NTN1: variants seen among roughly 807,000 people sequenced by gnomAD.
NTN1 encodes netrin 1.
A neutral mutation model predicts 54.2 loss-of-function variants in NTN1; 11 were observed. The observed-to-expected ratio is 0.20, with a 90% CI of 0.13 to 0.34. The LOEUF (loss-of-function observed/expected upper bound fraction) is 0.34, where lower values mean the gene tolerates loss of function less well. NTN1 is among the 10% of genes least tolerant of loss of function. The probability of loss-of-function intolerance (pLI) is 1.00; values close to 1 mark genes in which losing one functional copy is unlikely to be tolerated. For synonymous variants in NTN1, 371 were observed against 382.0 expected, an observed-to-expected ratio of 0.97 and a Z score of 0.33; for missense variants, 740 against 893.1, an observed-to-expected ratio of 0.83 and a Z score of 2.18.
At position 9,209,496 on chromosome 17, in the gene NTN1, C is replaced by A. The variant is rs79083453; in HGVS notation, c.1412-11672C>A. Among the ~76,000 whole-genome samples the A allele has an allele frequency of 2.2e-3, 338 of 152,370 alleles. 3 individuals are homozygous for A. Among genetic ancestry groups the A allele is most frequent in the African/African-American group, 7.6e-3 (316 of 41,588 alleles). ...CTCTAGGAGACAGTATACAGGAAGG[C>A]AGGCCTTGGCCCTGGGTGTGCATTG... is the stretch of plus-strand genomic sequence containing the variant. On this transcript the variant is annotated intron_variant, in intron 5 of 6. Transcript: ENST00000173229.
intron 2 of NTN1, among the ~76,000 whole-genome samples, chr17:9,113,999 T>G (rs912311217): frequency 6.6e-6 from 1 of 151,026 alleles, no homozygotes; most frequent in Non-Finnish European, 1.5e-5. Flanking sequence ...CCATCTCTAC[T>G]GAAAATACAA....
chr17:9,011,154 G>A, the NTN1 span, among the ~76,000 whole-genome samples: 3 of 152,168 alleles, frequency 2.0e-5, no homozygotes, highest in African/African-American at 4.8e-5. Flanking sequence ...TAATGCGAGC[G>A]ATGGGGAGTG....
chr17:9,151,114 C>T (rs2092326685), intron 2 of NTN1, among the ~76,000 whole-genome samples: 1 of 152,124 alleles, frequency 6.6e-6, no homozygotes, highest in Admixed American at 6.5e-5. Context: ...CTTATCTGCC[C>T]CCCACCCCTG....
chr17:9,176,204 T>TGTGTGGCTTTGTG (rs2092399671), intron 3 of NTN1: 1 of 151,690 alleles, frequency 6.6e-6, no homozygotes, highest in East Asian at 1.9e-4. Flanking sequence ...TGTGTCTGTG[T>TGTGTGGCTTTGTG]GTGTGGCTTT....
intron 3 of NTN1, among the ~76,000 whole-genome samples, chr17:9,163,739 G>T (rs2092366019): frequency 6.6e-6 from 1 of 152,254 alleles, no homozygotes; most frequent in Non-Finnish European, 1.5e-5. Context: ...ATTCAGAGAA[G>T]TTGATGAAAT....
chr17:9,054,447 C>A (rs879851186), intron 2 of NTN1, among the ~76,000 whole-genome samples: 2 of 152,190 alleles, frequency 1.3e-5, no homozygotes, highest in East Asian at 3.9e-4. Flanking sequence ...GAATGGAAGG[C>A]GGGGCAGCGA....
intron 2 of NTN1, among the ~76,000 whole-genome samples, chr17:9,087,415 C>T (rs891683523): frequency 6.6e-6 from 1 of 152,074 alleles, no homozygotes; most frequent in Non-Finnish European, 1.5e-5. Context: ...CCCTGATTGG[C>T]GTTTTCTAGT....
chr17:9,129,133 A>G (rs539128084), intron 2 of NTN1, among the ~76,000 whole-genome samples: 7 of 152,242 alleles, frequency 4.6e-5, no homozygotes, highest in Non-Finnish European at 8.8e-5. Context: ...AACACCCTCA[A>G]TTACGTCTTT....
chr17:9,115,696 G>C (rs1231164046), intron 2 of NTN1, among the ~76,000 whole-genome samples: 1 of 152,232 alleles, frequency 6.6e-6, no homozygotes, highest in East Asian at 1.9e-4. Flanking sequence ...GGGGACAAAC[G>C]GCTCTGACAT....
At chr17:9,125,670 A>G (rs536507774) in intron 2 of NTN1, among the ~76,000 whole-genome samples, 1 of 152,062 alleles carries the variant, frequency 6.6e-6, no homozygotes, top group African/African-American at 2.4e-5. Flanking sequence ...CAGTGGTGCA[A>G]TCATAGCTCA....
rs945193567 is a variant in NTN1, at chr17:9,040,001, A to G, written c.1018+16610A>G. Among the ~76,000 whole-genome samples the G allele has an allele frequency of 3.9e-5, 6 of 152,326 alleles. 1 individual carries two copies. The highest frequency in any genetic ancestry group is 5.9e-5 in the Non-Finnish European group (4 of 68,030). The stretch of plus-strand genomic sequence containing the variant: ...ACACTTTCATCTCTCTTGGGCAAAT[A>G]CCTAAGAGTGGATTGGCTGGATGAT... On this transcript the variant is annotated intron_variant, in intron 2 of 6. Coordinates refer to ENST00000173229, the MANE Select transcript of NTN1 (RefSeq NM_004822.3).
At chr17:9,217,731 T>C (rs1905244640) in intron 5 of NTN1, among the ~76,000 whole-genome samples, 1 of 151,982 alleles carries the variant, frequency 6.6e-6, no homozygotes, top group Non-Finnish European at 1.5e-5. Context: ...TTACCTGTAT[T>C]TTACATACAA....
intron 2 of NTN1, among the ~76,000 whole-genome samples, chr17:9,080,676 A>T (rs1406865784): frequency 2.0e-5 from 3 of 152,122 alleles, no homozygotes; most frequent in African/African-American, 7.2e-5. Flanking sequence ...GAGGGCTTGG[A>T]CTTTCCCTCT....
chr17:9,155,012 C>A (rs2092337275), intron 2 of NTN1, among the ~76,000 whole-genome samples: 1 of 152,188 alleles, frequency 6.6e-6, no homozygotes, highest in Non-Finnish European at 1.5e-5. Flanking sequence ...CCCCAGGTGA[C>A]CATATGCACG....
chr17:9,063,612 A>C (rs546618710), intron 2 of NTN1, among the ~76,000 whole-genome samples: 2 of 151,852 alleles, frequency 1.3e-5, no homozygotes, highest in Non-Finnish European at 2.9e-5. Context: ...CAGTGGCGCA[A>C]TCTCAGCTCA....
chr17:9,141,499 G>A (rs926767489), intron 2 of NTN1, among the ~76,000 whole-genome samples: 2 of 152,134 alleles, frequency 1.3e-5, no homozygotes, highest in African/African-American at 4.8e-5. Flanking sequence ...GCCTTAGCGT[G>A]GGCGTCCTGG....
chr17:9,048,507 T>TA (rs899424658), intron 2 of NTN1, among the ~76,000 whole-genome samples: 3 of 152,152 alleles, frequency 2.0e-5, no homozygotes, highest in Non-Finnish European at 4.4e-5. Flanking sequence ...GGCTTTAACT[T>TA]AAACTCACCT....
intron 5 of NTN1, among the ~76,000 whole-genome samples, chr17:9,214,786 C>T (rs1349054343): frequency 6.6e-6 from 1 of 152,160 alleles, no homozygotes; most frequent in African/African-American, 2.4e-5. Flanking sequence ...CACGCCACTG[C>T]ACTCCAGCCT....
At chr17:9,190,062 G>A (rs1397082403) in intron 5 of NTN1, among the ~76,000 whole-genome samples, 5 of 152,226 alleles carry the variant, frequency 3.3e-5, no homozygotes, top group Non-Finnish European at 4.4e-5. Flanking sequence ...ATAAGGAGCC[G>A]TTAAACAATT....
Sources: gnomAD v4.1 joint callset for allele counts (sites outside exome capture counted in the v4.1 genomes callset) on GRCh38, gnomAD v4.1.1 for gene constraint, MANE v1.5 for transcripts, NCBI Gene and HGNC (gene_info 2026-07-23, HGNC 2026-07-21) for gene names.